The following DPP10 variants were observed in gnomAD, a reference collection of about 807,000 sequenced individuals.
DPP10 encodes the protein inactive dipeptidyl peptidase 10.
Under a neutral mutation model 120.9 loss-of-function variants are expected in DPP10, and 33 were observed. The ratio of observed to expected loss-of-function variants is 0.27; its 90% CI spans 0.21 to 0.37. The LOEUF is 0.37. DPP10 is among the 10% of genes least tolerant of loss of function. DPP10 has a pLI of 1.00. For synonymous variants in DPP10, 337 were observed against 326.1 expected (o/e 1.03, Z -0.36); for missense variants, 816 against 942.8 (o/e 0.87, Z 1.76).
At chr2:114,704,888 G>A (rs1268314238) in intron 1 of DPP10, among the ~76,000 whole-genome samples, 1 of 152,030 alleles carries the variant, frequency 6.6e-6, no homozygotes, top group African/African-American at 2.4e-5. Context: ...CTATAGACTG[G>A]TGTCCTTATA....
At chr2:115,462,155 A>T (rs1204488028) in intron 3 of DPP10, among the ~76,000 whole-genome samples, 1 of 152,126 alleles carries the variant, frequency 6.6e-6, no homozygotes, top group African/African-American at 2.4e-5. Context: ...AACTTCTGTG[A>T]ATGATACCGT....
At chr2:114,873,367 A>G (rs914852079) in intron 1 of DPP10, among the ~76,000 whole-genome samples, 2 of 152,156 alleles carry the variant, frequency 1.3e-5, no homozygotes, top group Non-Finnish European at 2.9e-5. Context: ...CAGGTTGATG[A>G]GTCTACCCAT....
At chr2:114,476,277 T>C (rs1391128798) in intron 1 of DPP10, among the ~76,000 whole-genome samples, 1 of 152,216 alleles carries the variant, frequency 6.6e-6, no homozygotes, top group Non-Finnish European at 1.5e-5. Context: ...TAATCAGAGA[T>C]GTTATCAGGC....
At chr2:115,187,358 A>G (rs2054540764) in intron 1 of DPP10, among the ~76,000 whole-genome samples, 1 of 152,108 alleles carries the variant, frequency 6.6e-6, no homozygotes. Flanking sequence ...CTTACAATTC[A>G]TAAAGAGAAA....
At chr2:114,821,486 T>G (rs974400404) in intron 1 of DPP10, among the ~76,000 whole-genome samples, 1 of 152,170 alleles carries the variant, frequency 6.6e-6, no homozygotes, top group African/African-American at 2.4e-5. Context: ...TCTATCTGCC[T>G]AAAATAATTT....
At chr2:115,658,173 A>G (rs143225762) in intron 5 of DPP10, among the ~76,000 whole-genome samples, 2 of 152,112 alleles carry the variant, frequency 1.3e-5, no homozygotes, top group Admixed American at 6.6e-5. Context: ...CTCTATTCCT[A>G]AAGTCTAGTA....
At chr2:115,770,229 A>G (rs906364870) in intron 13 of DPP10, among the ~76,000 whole-genome samples, 1 of 152,104 alleles carries the variant, frequency 6.6e-6, no homozygotes, top group Non-Finnish European at 1.5e-5. Context: ...ACATGCAGGA[A>G]TTAAAATATT....
chr2:115,482,022 C>G (rs930443094), intron 3 of DPP10, among the ~76,000 whole-genome samples: 1 of 151,932 alleles, frequency 6.6e-6, no homozygotes, highest in African/African-American at 2.4e-5. Context: ...GTAGATGAAA[C>G]AAATACCAGG....
At chr2:115,385,079 C>T (rs752986205) in intron 3 of DPP10, among the ~76,000 whole-genome samples, 4 of 152,160 alleles carry the variant, frequency 2.6e-5, no homozygotes, top group Non-Finnish European at 5.9e-5. Context: ...TCTCCCCAGC[C>T]GTCTGTAACT....
At chr2:115,351,901 A>G (rs1320123426) in intron 3 of DPP10, among the ~76,000 whole-genome samples, 1 of 152,108 alleles carries the variant, frequency 6.6e-6, no homozygotes, top group African/African-American at 2.4e-5. Flanking sequence ...AATATCTACT[A>G]TAAAAAATCA....
At chr2:115,497,611 T>G in intron 3 of DPP10, among the ~76,000 whole-genome samples, 1 of 152,108 alleles carries the variant, frequency 6.6e-6, no homozygotes, top group East Asian at 1.9e-4. Context: ...CTCTTGATAA[T>G]TCATGATGAT....
intron 1 of DPP10, among the ~76,000 whole-genome samples, chr2:114,562,822 C>A (rs1421727126): frequency 6.6e-6 from 1 of 152,062 alleles, no homozygotes; most frequent in Non-Finnish European, 1.5e-5. Context: ...TGTAACCTTT[C>A]CAAATTGAGT....
chr2:114,467,221 A>G (rs1198216868), intron 1 of DPP10, among the ~76,000 whole-genome samples: 1 of 152,190 alleles, frequency 6.6e-6, no homozygotes, highest in Non-Finnish European at 1.5e-5. Context: ...TGGTTTTAAC[A>G]TATTATTCAA....
chr2:114,606,503 G>T (rs1446878269), intron 1 of DPP10, among the ~76,000 whole-genome samples: 1 of 152,126 alleles, frequency 6.6e-6, no homozygotes, highest in Non-Finnish European at 1.5e-5. Context: ...GGAGTCATTT[G>T]TTAAGTTCTC....
intron 1 of DPP10, among the ~76,000 whole-genome samples, chr2:115,157,584 C>T (rs947516687): frequency 6.6e-6 from 1 of 152,116 alleles, no homozygotes; most frequent in African/African-American, 2.4e-5. Flanking sequence ...CTGGTTAGAG[C>T]TTCTAAAATG....
chr2:114,715,800 A>T (rs948664522), intron 1 of DPP10, among the ~76,000 whole-genome samples: 1 of 152,064 alleles, frequency 6.6e-6, no homozygotes, highest in Non-Finnish European at 1.5e-5. Context: ...TGATTAATGG[A>T]TGACTATTAA....
chr2:114,553,274 G>T (rs1688032894), intron 1 of DPP10, among the ~76,000 whole-genome samples: 1 of 152,172 alleles, frequency 6.6e-6, no homozygotes, highest in Non-Finnish European at 1.5e-5. Flanking sequence ...TTCCACATCA[G>T]CTGTTCATTT....
chr2:114,844,290 T>A (rs1460303545), intron 1 of DPP10, among the ~76,000 whole-genome samples: 4 of 152,064 alleles, frequency 2.6e-5, no homozygotes, highest in Admixed American at 2.6e-4. Context: ...CAAATAATAG[T>A]TTCCTCAAAT....
At chr2:114,668,556 G>A (rs1698104898) in intron 1 of DPP10, among the ~76,000 whole-genome samples, 3 of 152,088 alleles carry the variant, frequency 2.0e-5, no homozygotes, top group Non-Finnish European at 4.4e-5. Flanking sequence ...GCCCAGTAAA[G>A]TTGGCACATA....
Sources: allele counts gnomAD v4.1 joint callset (sites outside exome capture counted in the v4.1 genomes callset), GRCh38; gene constraint gnomAD v4.1.1; transcripts MANE v1.5; gene names NCBI Gene and HGNC (gene_info 2026-07-23, HGNC 2026-07-21).